SMG1: variants seen among roughly 807,000 people sequenced by gnomAD.
The protein encoded by SMG1 is serine/threonine-protein kinase SMG1.
In SMG1, 22 loss-of-function variants were observed where a neutral mutation model predicts 419.9. The ratio of observed to expected loss-of-function variants is 0.05; its 90% confidence interval spans 0.04 to 0.07. The LOEUF (loss-of-function observed/expected upper bound fraction) is 0.07. SMG1 is among the 10% of genes least tolerant of loss of function. SMG1 has a pLI of 1.00. For missense variants in SMG1, 3,185 were observed against 4,342.0 expected, an observed-to-expected ratio of 0.73 and a Z score of 7.49; for synonymous variants, 1,538 against 1,553.5, an observed-to-expected ratio of 0.99 and a Z score of 0.23.
At chr16:18,813,514 GTTGT>G (rs1168002306) in intron 60 of SMG1, among the ~76,000 whole-genome samples, 1 of 152,134 alleles carries the variant, frequency 6.6e-6, no homozygotes, top group East Asian at 1.9e-4. Flanking sequence ...TTTTGATGGG[GTTGT>G]TTTTTTCTTG....
chr16:18,904,567 G>A (rs889519423), intron 1 of SMG1, among the ~76,000 whole-genome samples: 2 of 151,942 alleles, frequency 1.3e-5, no homozygotes, highest in Admixed American at 1.3e-4. Flanking sequence ...GAACCCAGGA[G>A]GCAGAGCTTG....
chr16:18,813,078 AT>A (rs1428294706), intron 60 of SMG1, among the ~76,000 whole-genome samples: 2 of 152,102 alleles, frequency 1.3e-5, no homozygotes, highest in Non-Finnish European at 2.9e-5. Context: ...ATTGTTGGAC[AT>A]TTGGGTTGGT....
Position 18,884,132 on chromosome 16 carries a change from C to G in SMG1, c.1057G>C (p.Asp353His). Reference sequence around the variant, plus strand: ...AGAAGAGTAGTAGAAAATGCAAGATCAGCTACCCAAAATGGCTCCAAACTC... The same window carrying G: ...AGAAGAGTAGTAGAAAATGCAAGATGAGCTACCCAAAATGGCTCCAAACTC... ...LQSLEPFWVA[D>H]LAFSTTLLGQ... is the part of the protein sequence containing the mutation. The change falls in exon 9 of 63, where the codon GAT becomes CAT. Residue 353 changes from aspartate (D) to histidine (H), a missense_variant. By Grantham distance (81) the Asp-to-His change is moderately conservative. This residue lies in a region of SMG1 where 27 missense variants were observed against 59.4 expected (regional missense o/e 0.45). Coordinates refer to ENST00000446231, the MANE Select transcript of SMG1 (RefSeq NM_015092.5). 1 of 1,605,750 alleles carries G rather than the reference C, an allele frequency of 6.2e-7. No homozygotes were observed. The highest frequency in any genetic ancestry group is 1.1e-5 in the South Asian group (1 of 90,164).
At chr16:18,902,196 C>T (rs1432866010) in intron 1 of SMG1, among the ~76,000 whole-genome samples, 2 of 152,158 alleles carry the variant, frequency 1.3e-5, no homozygotes, top group Non-Finnish European at 2.9e-5. Flanking sequence ...TATTGTCGCA[C>T]ACCAGTGCCA....
rs973022549 is a variant in SMG1 at position 18,839,754 on chromosome 16, C to T, written c.6889G>A (p.Ala2297Thr). ...LMEATPPNLL[A>T]KELWSSCTTP... ...GTGCAAGATGACCAGAGCTCTTTGGCAAGGAGATTCGGGGGTGTGGCCTCC... is the reference window on the plus strand; with the variant it reads ...GTGCAAGATGACCAGAGCTCTTTGGTAAGGAGATTCGGGGGTGTGGCCTCC... The change falls in exon 42 of 63, where the codon GCC becomes ACC. Residue 2297 changes from alanine to threonine, a missense_variant. Physicochemically the swap from Ala to Thr is moderately conservative, Grantham distance 58 (BLOSUM62 0). Around this residue, in one of 27 missense-constraint regions of SMG1, gnomAD observed 132 missense variants for 151.0 expected, o/e 0.87. Coordinates refer to ENST00000446231, the MANE Select transcript of SMG1 (RefSeq NM_015092.5). The T allele has an allele frequency of 2.5e-6, 4 of 1,613,962 alleles. No individual in the cohort carries two copies. The highest frequency in any genetic ancestry group is 3.3e-5 in the Admixed American group (2 of 60,014).
chr16:18,870,365 A>AT (rs1225176783), intron 18 of SMG1, among the ~76,000 whole-genome samples: 1 of 152,252 alleles, frequency 6.6e-6, no homozygotes, highest in East Asian at 1.9e-4. Flanking sequence ...TAAGAAACAT[A>AT]TTTTGGCACT....
At chr16:18,905,279 CA>C (rs2037516400) in intron 1 of SMG1, among the ~76,000 whole-genome samples, 1 of 151,894 alleles carries the variant, frequency 6.6e-6, no homozygotes, top group African/African-American at 2.4e-5. Flanking sequence ...AAACAAAAAA[CA>C]AAAAAACCCT....
intron 13 of SMG1, chr16:18,875,285 T>C (rs1287449912): frequency 1.3e-5 from 2 of 152,610 alleles, no homozygotes; most frequent in Non-Finnish European, 2.9e-5. Flanking sequence ...CACCAGTAAG[T>C]GTTATGAAAA....
In SMG1 at chr16:18,878,940, G is replaced by T. The variant is rs28578221; in HGVS notation, c.1518+555C>A. ...TGGGAGGATCACCTGAGCCCAAGAG[G>T]TCAAGGCTGCAGTGAGCCAAAATCA... On this transcript the variant is annotated intron_variant, in intron 11 of 62. Coordinates refer to ENST00000446231, the MANE Select transcript of SMG1 (RefSeq NM_015092.5). 3.5e-3 allele frequency: 586 copies of T among 165,710 alleles called. 3 individuals carry two copies. Among genetic ancestry groups the T allele is most frequent in the African/African-American group, 0.013 (555 of 41,488 alleles). The allele number at this position is 165,710 out of a possible 1,614,324, so 10.3% of individuals were successfully genotyped here. A position where few individuals can be genotyped will look rare whatever the true frequency, so the allele number is the denominator to read the frequency against.
chr16:18,811,662 C>T, intron 62 of SMG1, 99 bp downstream of exon 62: 1 of 1,066,716 alleles, frequency 9.4e-7, no homozygotes, highest in Non-Finnish European at 1.4e-6. Flanking sequence ...ATTTAAGTTC[C>T]TTGATGAACT....
At chr16:18,829,902 G>T in intron 53 of SMG1, 24 bp downstream of exon 53, 1 of 1,505,018 alleles carries the variant, frequency 6.6e-7, no homozygotes, top group Non-Finnish European at 8.9e-7. Context: ...GCTAAAGCTA[G>T]TATGTTTACA....
At chr16:18,816,281 T>C in intron 58 of SMG1, 21 bp downstream of exon 58, 1 of 1,568,704 alleles carries the variant, frequency 6.4e-7, no homozygotes, top group Non-Finnish European at 8.7e-7. Flanking sequence ...AGTAAATGTG[T>C]GTTCATGGTA....
intron 1 of SMG1, among the ~76,000 whole-genome samples, chr16:18,908,369 A>G (rs1186122557): frequency 1.3e-5 from 2 of 151,476 alleles, no homozygotes; most frequent in Non-Finnish European, 2.9e-5. Context: ...AGTCTCCAAA[A>G]AAAAAAAAAA....
chr16:18,902,247 C>G (rs1596631471), intron 1 of SMG1, among the ~76,000 whole-genome samples: 1 of 152,160 alleles, frequency 6.6e-6, no homozygotes, highest in Non-Finnish European at 1.5e-5. Flanking sequence ...AGGGACAGGA[C>G]AATTTGAAAC....
chr16:18,830,125 T>C lies in SMG1; in HGVS notation c.8944-10A>G. 6.2e-7 allele frequency: 1 copy of C among 1,600,738 alleles called. No homozygotes were observed. Among genetic ancestry groups the C allele is most frequent in the Non-Finnish European group, 8.5e-7 (1 of 1,172,658 alleles). ...TTTCCATCTTGTTCAACTATGTAAA[T>C]GAAAGAAAACAAAGTTCATTTCTCC... On this transcript the variant is annotated splice_polypyrimidine_tract_variant and intron_variant, in intron 52 of 62. Coordinates refer to ENST00000446231, the MANE Select transcript of SMG1 (RefSeq NM_015092.5).
chr16:18,815,107 ATAAT>A, intron 60 of SMG1, 64 bp downstream of exon 60: 1 of 970,364 alleles, frequency 1.0e-6, no homozygotes. Flanking sequence ...ACAGTTATGT[ATAAT>A]TAAACATCTT....
At chr16:18,854,632 T>G in intron 30 of SMG1, 24 bp downstream of exon 30, 1 of 1,596,354 alleles carries the variant, frequency 6.3e-7, no homozygotes, top group Non-Finnish European at 8.6e-7. Flanking sequence ...TACTCATGTA[T>G]TAACCATAAT....
At chr16:18,905,615 A>AT (rs35576204) in intron 1 of SMG1, among the ~76,000 whole-genome samples, 50,163 of 135,134 alleles carry the variant, frequency 0.37, 9,039 homozygotes, top group Non-Finnish European at 0.42. Context: ...TCTTCATTTC[A>AT]TTTTTTTTTT....
chr16:18,884,949 G>A (rs1188235661), intron 8 of SMG1, 141 bp downstream of exon 8: 1 of 640,590 alleles, frequency 1.6e-6, no homozygotes, highest in Non-Finnish European at 2.8e-6. Context: ...TAGCTAACAA[G>A]TAATGTTCAT....
Sources: allele counts gnomAD v4.1 joint callset (sites outside exome capture counted in the v4.1 genomes callset), GRCh38; gene constraint gnomAD v4.1.1; regional missense constraint gnomAD v4.1.1; transcripts MANE v1.5; gene names NCBI Gene and HGNC (gene_info 2026-07-23, HGNC 2026-07-21).